Variants in CFAP54 observed in about 807,000 individuals in gnomAD.
The protein encoded by CFAP54 is cilia and flagella associated protein 54, also known as cilia- and flagella-associated protein 54.
In CFAP54, 290 loss-of-function variants were observed where a neutral mutation model predicts 370.4. The ratio of observed to expected loss-of-function variants is 0.78; its 90% CI spans 0.71 to 0.86. CFAP54 has a LOEUF of 0.86. Ranked by LOEUF, CFAP54 falls within the 40% of genes least tolerant of loss-of-function variation. The pLI is 0.00. For synonymous variants in CFAP54, 1,206 were observed against 1,236.5 expected, an observed-to-expected ratio of 0.98 and a Z score of 0.52; for missense variants, 3,399 against 3,528.7, an observed-to-expected ratio of 0.96 and a Z score of 0.93.
At chr12:96,500,410 G>A (rs1955013100) in intron 1 of CFAP54, among the ~76,000 whole-genome samples, 1 of 152,152 alleles carries the variant, frequency 6.6e-6, no homozygotes, top group Admixed American at 6.5e-5. Flanking sequence ...CTCATGGAAT[G>A]GATGACACCA....
intron 26 of CFAP54, among the ~76,000 whole-genome samples, chr12:96,611,184 C>T (rs1383032649): frequency 6.6e-6 from 1 of 152,210 alleles, no homozygotes; most frequent in South Asian, 2.1e-4. Flanking sequence ...CCCTCTGAGA[C>T]GAAGCTTCCA....
At chr12:96,782,594 A>G (rs534735650) in intron 60 of CFAP54, among the ~76,000 whole-genome samples, 41 of 152,274 alleles carry the variant, frequency 2.7e-4, no homozygotes, top group African/African-American at 8.7e-4. Context: ...AATTTCATTG[A>G]AAGAGATAAG....
Position 96,500,937 on chromosome 12 carries a change from AAAGT to A in CFAP54, c.423+3_423+6del. ...GGTTGGAGATAGCCTTTGTCAAATG[AAAGT>A]AAGTGCCTCTGCAGGAAAGAGCCAA... is the stretch of plus-strand genomic sequence containing the variant. On this transcript the variant is annotated splice_donor_variant and coding_sequence_variant, in exon 2 of 68. Transcript: ENST00000524981. LOFTEE classifies it high-confidence loss of function. 6.5e-7 allele frequency: 1 copy of A among 1,527,006 alleles called. No individual in the cohort carries two copies. The highest frequency in any genetic ancestry group is 8.8e-7 in the Non-Finnish European group (1 of 1,139,260). The allele number at this position is 1,527,006 out of a possible 1,614,324, so 94.6% of individuals were successfully genotyped here.
At chr12:96,779,355 C>A (rs1958558839) in intron 60 of CFAP54, among the ~76,000 whole-genome samples, 1 of 151,984 alleles carries the variant, frequency 6.6e-6, no homozygotes, top group Non-Finnish European at 1.5e-5. Context: ...TCTGTTCACC[C>A]CTATGTTTGT....
intron 32 of CFAP54, among the ~76,000 whole-genome samples, chr12:96,642,591 A>C (rs1053268681): frequency 6.6e-6 from 1 of 152,086 alleles, no homozygotes; most frequent in African/African-American, 2.4e-5. Flanking sequence ...CTCTTTTTCT[A>C]ATTGTAACTC....
intron 39 of CFAP54, among the ~76,000 whole-genome samples, chr12:96,674,723 A>G (rs1957185040): frequency 6.6e-6 from 1 of 152,250 alleles, no homozygotes; most frequent in Non-Finnish European, 1.5e-5. Flanking sequence ...TTATAAATAA[A>G]AATTTTCAGA....
chr12:96,509,289 G>T (rs1033115563), intron 4 of CFAP54, among the ~76,000 whole-genome samples: 1 of 152,244 alleles, frequency 6.6e-6, no homozygotes, highest in Non-Finnish European at 1.5e-5. Flanking sequence ...CTGGGTATCT[G>T]GTGGAAGGGC....
At chr12:96,828,450 C>T (rs1284589783) in intron 65 of CFAP54, among the ~76,000 whole-genome samples, 5 of 152,012 alleles carry the variant, frequency 3.3e-5, no homozygotes, top group Non-Finnish European at 5.9e-5. Flanking sequence ...TCTCCAACTC[C>T]GCATGTGGAC....
At position 96,644,322 on chromosome 12, in the gene CFAP54, T is replaced by A. The variant is rs1956766870; in HGVS notation, c.4461T>A (p.Tyr1487Ter). 1 of 1,535,820 alleles carries A rather than the reference T, an allele frequency of 6.5e-7. No individual in the cohort carries two copies. Among genetic ancestry groups the A allele is most frequent in the African/African-American group, 1.4e-5 (1 of 73,036 alleles). Reference protein sequence around the residue: ...EMPWRAQMNLYLAGAHFNLVL... With the variant: ...EMPWRAQMNL ...CCTGGAGAGCTCAGATGAACCTGTA[T>A]CTAGCAGGTGCACACTTTAACCTGG... Residue 1487 changes from tyrosine to a stop codon, truncating the protein, a stop_gained, in exon 33 of 68, where the codon TAT (tyrosine) becomes TAA (stop). Transcript: ENST00000524981. LOFTEE classifies it high-confidence loss of function.
intron 38 of CFAP54, among the ~76,000 whole-genome samples, chr12:96,658,622 T>TTTTTTG (rs1565931756): frequency 2.0e-5 from 3 of 152,020 alleles, no homozygotes; most frequent in African/African-American, 7.2e-5. Flanking sequence ...AGTACTTTTT[T>TTTTTTG]TTTTTGTTTT....
At chr12:96,800,095 G>T in intron 63 of CFAP54, among the ~76,000 whole-genome samples, 1 of 152,276 alleles carries the variant, frequency 6.6e-6, no homozygotes, top group Non-Finnish European at 1.5e-5. Flanking sequence ...TTAAAAAGAG[G>T]AAGAAAGCAT....
intron 63 of CFAP54, among the ~76,000 whole-genome samples, chr12:96,798,940 G>A (rs745372388): frequency 2.3e-4 from 35 of 152,000 alleles, no homozygotes; most frequent in African/African-American, 7.7e-4. Context: ...TAAGTACATA[G>A]CAAATAAGAG....
intron 34 of CFAP54, among the ~76,000 whole-genome samples, chr12:96,648,526 C>G (rs1956822217): frequency 1.4e-5 from 2 of 147,484 alleles, no homozygotes; most frequent in South Asian, 4.3e-4. Context: ...GCCTTGTTAT[C>G]TAGTCAGGTG....
chr12:96,571,785 A>C (rs775335751), intron 19 of CFAP54, among the ~76,000 whole-genome samples: 1 of 152,148 alleles, frequency 6.6e-6, no homozygotes, highest in Non-Finnish European at 1.5e-5. Context: ...CCCTTTAAAA[A>C]GCCCCAGGCA....
chr12:96,655,312 A>G lies in CFAP54; in HGVS notation c.5101-2570A>G, dbSNP rs77661870. On this transcript the variant is annotated intron_variant, in intron 36 of 67. Transcript: ENST00000524981. ...ACTAAAGGAAACAGGGCTTCTTTGGAAAAAAAAAAAAGCTTGACTACCTTA... is the reference window on the plus strand; with the variant it reads ...ACTAAAGGAAACAGGGCTTCTTTGGGAAAAAAAAAAAGCTTGACTACCTTA... 6.7e-5 allele frequency among the ~76,000 whole-genome samples: 9 copies of G among 134,866 alleles called. No individual in the cohort carries two copies. The East Asian group carries it at 1.0e-3, about 15-fold the overall frequency. 88.5% of individuals were successfully genotyped at this position (134,866 alleles called of 152,430 possible). A position where few individuals can be genotyped will look rare whatever the true frequency, so the allele number is the denominator to read the frequency against.
chr12:96,722,846 T>C (rs940849594), intron 50 of CFAP54, among the ~76,000 whole-genome samples: 3 of 152,118 alleles, frequency 2.0e-5, no homozygotes, highest in Non-Finnish European at 4.4e-5. Flanking sequence ...ATATTGGATG[T>C]AAGTTGTGAG....
intron 51 of CFAP54, among the ~76,000 whole-genome samples, chr12:96,741,386 C>A (rs573253135): frequency 3.3e-5 from 5 of 152,258 alleles, no homozygotes; most frequent in African/African-American, 1.2e-4. Flanking sequence ...TGGTCTCGAA[C>A]TCCTGACCTC....
chr12:96,542,521 C>A (rs1048031980), intron 14 of CFAP54, among the ~76,000 whole-genome samples: 2 of 152,158 alleles, frequency 1.3e-5, no homozygotes, highest in Non-Finnish European at 2.9e-5. Flanking sequence ...AAATAAATCA[C>A]CATGTATGCA....
At chr12:96,550,067 T>C (rs1054026461) in intron 15 of CFAP54, among the ~76,000 whole-genome samples, 2 of 152,242 alleles carry the variant, frequency 1.3e-5, no homozygotes, top group African/African-American at 2.4e-5. Flanking sequence ...AAATGGGTTA[T>C]AAAATTATAA....
Sources: gnomAD v4.1 joint callset for allele counts (sites outside exome capture counted in the v4.1 genomes callset) on GRCh38, gnomAD v4.1.1 for gene constraint, MANE v1.5 for transcripts, NCBI Gene and HGNC (gene_info 2026-07-23, HGNC 2026-07-21) for gene names.